ATF6: variants seen among roughly 807,000 people sequenced by gnomAD.
ATF6 encodes the protein cyclic AMP-dependent transcription factor ATF-6 alpha.
In ATF6, 53 loss-of-function variants were observed where a neutral mutation model predicts 83.6. That is an observed-to-expected ratio of 0.63 (90% CI 0.51 to 0.80). ATF6 has a LOEUF of 0.80. Among genes scored for constraint, ATF6 ranks in the 30% least tolerant of loss-of-function variants. The probability of loss-of-function intolerance (pLI) is 0.00; values close to 1 mark genes in which losing one functional copy is unlikely to be tolerated. For missense variants in ATF6, 744 were observed against 797.9 expected (o/e 0.93, Z 0.81); for synonymous variants, 288 against 285.8 (o/e 1.01, Z -0.08).
chr1:161,949,770 T>G (rs1688825163), intron 15 of ATF6, among the ~76,000 whole-genome samples: 2 of 152,174 alleles, frequency 1.3e-5, no homozygotes. Context: ...CGCTCACCCC[T>G]GAGGGAGAAC....
chr1:161,797,004 C>G (rs150887447), intron 6 of ATF6, among the ~76,000 whole-genome samples: 3 of 151,918 alleles, frequency 2.0e-5, no homozygotes, highest in African/African-American at 7.2e-5. Context: ...TAAAACCTAA[C>G]ACTTGGTCAT....
intron 15 of ATF6, among the ~76,000 whole-genome samples, chr1:161,926,424 G>C (rs1434308625): frequency 6.6e-6 from 1 of 152,146 alleles, no homozygotes; most frequent in Non-Finnish European, 1.5e-5. Context: ...ACTTGATTGG[G>C]TCTCAGGGAT....
intron 9 of ATF6, among the ~76,000 whole-genome samples, chr1:161,832,204 C>T (rs1231643424): frequency 6.6e-6 from 1 of 151,872 alleles, no homozygotes; most frequent in Non-Finnish European, 1.5e-5. Flanking sequence ...TTGGCCAGAA[C>T]ATTTTGAAAA....
intron 9 of ATF6, among the ~76,000 whole-genome samples, chr1:161,828,292 G>A (rs1159883418): frequency 6.6e-6 from 1 of 151,968 alleles, no homozygotes; most frequent in Admixed American, 6.6e-5. Flanking sequence ...AAAAAATGAT[G>A]GATTGAAAAA....
chr1:161,794,678 T>G (rs1684969204), intron 6 of ATF6, among the ~76,000 whole-genome samples: 1 of 152,228 alleles, frequency 6.6e-6, no homozygotes, highest in South Asian at 2.1e-4. Context: ...CTAGCTCAAC[T>G]AATCTGTCAT....
At chr1:161,869,810 T>C (rs1687083988) in intron 14 of ATF6, among the ~76,000 whole-genome samples, 1 of 151,820 alleles carries the variant, frequency 6.6e-6, no homozygotes, top group South Asian at 2.1e-4. Flanking sequence ...TATATACAAA[T>C]ATTAACACTT....
At chr1:161,766,894 C>G (rs1684278751) in intron 1 of ATF6, among the ~76,000 whole-genome samples, 1 of 152,184 alleles carries the variant, frequency 6.6e-6, no homozygotes, top group African/African-American at 2.4e-5. Flanking sequence ...ACAGCTTTTA[C>G]TATTGGTTTA....
intron 15 of ATF6, among the ~76,000 whole-genome samples, chr1:161,912,763 T>G (rs543771668): frequency 5.9e-5 from 9 of 152,128 alleles, no homozygotes; most frequent in Non-Finnish European, 8.8e-5. Flanking sequence ...AATGTTGATA[T>G]CATCCTAGAC....
intron 9 of ATF6, among the ~76,000 whole-genome samples, chr1:161,838,308 G>A (rs1294276003): frequency 1.3e-5 from 2 of 152,214 alleles, no homozygotes; most frequent in African/African-American, 4.8e-5. Flanking sequence ...AGTGATGTCA[G>A]CAATCTAATT....
intron 7 of ATF6, among the ~76,000 whole-genome samples, chr1:161,812,330 T>TA (rs1473161316): frequency 6.7e-6 from 1 of 148,162 alleles, no homozygotes; most frequent in Non-Finnish European, 1.5e-5. Context: ...TTTTAAAACT[T>TA]AAAATCTGAA....
rs1340456749 is a variant in ATF6 at position 161,851,926 on chromosome 1, T to A, written c.1433+91T>A. ...CAAGTAATTGGTCAAGTTCACTAAGTGACTGAGAGAATCTCTGAATTATTT... is the reference window on the plus strand; with the variant it reads ...CAAGTAATTGGTCAAGTTCACTAAGAGACTGAGAGAATCTCTGAATTATTT... On this transcript the variant is annotated intron_variant, in intron 11 of 15. Coordinates refer to ENST00000367942, the MANE Select transcript of ATF6 (RefSeq NM_007348.4). 16 of 863,142 alleles carry A rather than the reference T, an allele frequency of 1.9e-5. No individual in the cohort carries two copies. The Admixed American group carries it at 2.4e-4, about 13-fold the overall frequency. 53.5% of individuals were successfully genotyped at this position (863,142 alleles called of 1,614,324 possible).
At chr1:161,955,994 A>G (rs1167984208) in intron 15 of ATF6, among the ~76,000 whole-genome samples, 1 of 152,206 alleles carries the variant, frequency 6.6e-6, no homozygotes, top group East Asian at 1.9e-4. Context: ...TCTTGGAATC[A>G]GATCATAGCT....
At chr1:161,773,132 C>T (rs535985463) in intron 1 of ATF6, among the ~76,000 whole-genome samples, 41 of 133,834 alleles carry the variant, frequency 3.1e-4, no homozygotes, top group Non-Finnish European at 5.3e-4. Context: ...TGCCCGGCTA[C>T]TTTTTGTATT....
Position 161,882,764 on chromosome 1 carries a change from C to T in ATF6, c.1719+19452C>T, listed in dbSNP as rs1218554011. Among the ~76,000 whole-genome samples, 9 of 150,426 alleles carry T rather than the reference C, an allele frequency of 6.0e-5. No individual in the cohort carries two copies. In the East Asian group the frequency reaches 7.8e-4, roughly 13 times the overall value. On this transcript the variant is annotated intron_variant, in intron 14 of 15. Transcript: ENST00000367942. ...ATGGGCTTTGGAGTCAGACAAATCT[C>T]GGTTTTAATTTTCAGTGTCCTTATC...
chr1:161,787,081 C>A (rs566095615), intron 4 of ATF6, among the ~76,000 whole-genome samples: 7 of 152,292 alleles, frequency 4.6e-5, no homozygotes, highest in Non-Finnish European at 8.8e-5. Flanking sequence ...CACAGAAGTG[C>A]TGTCTGTGTC....
intron 14 of ATF6, among the ~76,000 whole-genome samples, chr1:161,889,886 G>C (rs1303985664): frequency 6.6e-6 from 1 of 152,166 alleles, no homozygotes; most frequent in Admixed American, 6.5e-5. Flanking sequence ...AAAGCCTTTA[G>C]GGAAAAGGTA....
intron 14 of ATF6, among the ~76,000 whole-genome samples, chr1:161,883,018 ATT>A (rs1396709905): frequency 1.3e-5 from 2 of 151,986 alleles, no homozygotes; most frequent in Non-Finnish European, 2.9e-5. Context: ...TAGCAAATTC[ATT>A]CTTTCCCCCA....
intron 12 of ATF6, among the ~76,000 whole-genome samples, chr1:161,854,610 G>A (rs896154867): frequency 2.5e-4 from 38 of 152,180 alleles, no homozygotes; most frequent in African/African-American, 8.7e-4. Context: ...GGTGGCTCAC[G>A]CCTGTAATCC....
chr1:161,803,616 T>C (rs1685209521), intron 7 of ATF6, among the ~76,000 whole-genome samples: 1 of 152,176 alleles, frequency 6.6e-6, no homozygotes, highest in South Asian at 2.1e-4. Flanking sequence ...TGGCAAAATG[T>C]TGATAATGAT....
Sources: allele counts gnomAD v4.1 joint callset (sites outside exome capture counted in the v4.1 genomes callset), GRCh38; gene constraint gnomAD v4.1.1; transcripts MANE v1.5; gene names NCBI Gene and HGNC (gene_info 2026-07-23, HGNC 2026-07-21).